PDE4D: variants seen among roughly 807,000 people sequenced by gnomAD.
The protein encoded by PDE4D is 3',5'-cyclic-AMP phosphodiesterase 4D.
Under a neutral mutation model 87.4 loss-of-function variants are expected in PDE4D, and 24 were observed. The observed-to-expected ratio is 0.27, with a 90% CI of 0.20 to 0.39. The LOEUF is 0.39. PDE4D is among the 10% of genes least tolerant of loss of function. The pLI is 1.00. For synonymous variants in PDE4D, 384 were observed against 383.2 expected, an observed-to-expected ratio of 1.00 and a Z score of -0.02; for missense variants, 714 against 1,041.0, an observed-to-expected ratio of 0.69 and a Z score of 4.32.
intron 1 of PDE4D, among the ~76,000 whole-genome samples, chr5:59,266,541 G>A (rs897053940): frequency 6.6e-6 from 1 of 151,884 alleles, no homozygotes. Flanking sequence ...GAGGAAGAGA[G>A]TCAATAAGCT....
rs1446556561 is a variant in PDE4D, at chr5:58,973,482, A to C, written c.*1182T>G. 2.6e-5 allele frequency: 4 copies of C among 152,592 alleles called. No homozygotes were observed. The highest frequency in any genetic ancestry group is 9.7e-5 in the African/African-American group (4 of 41,444). The allele number at this position is 152,592 out of a possible 1,614,324, so 9.5% of individuals were successfully genotyped here. A position where few individuals can be genotyped will look rare whatever the true frequency, so the allele number is the denominator to read the frequency against. On this transcript the variant is annotated 3_prime_UTR_variant, in exon 15 of 15. Transcript: ENST00000340635. ...GATTATTAGAGCATGAAATGTGTGG[A>C]TTATTAGAAAGACATGCACTTGTGA...
At chr5:59,516,557 T>C (rs576742603) in intron 1 of PDE4D, among the ~76,000 whole-genome samples, 8 of 152,338 alleles carry the variant, frequency 5.3e-5, no homozygotes, top group African/African-American at 1.9e-4. Flanking sequence ...AGAAAAAAAC[T>C]GCTACTAAAG....
At chr5:59,236,672 T>C (rs1168256930) in intron 1 of PDE4D, among the ~76,000 whole-genome samples, 1 of 152,086 alleles carries the variant, frequency 6.6e-6, no homozygotes, top group Non-Finnish European at 1.5e-5. Flanking sequence ...CACCAGGCTA[T>C]ATTACACCAC....
At chr5:60,423,104 A>T (rs903466320) in intron 1 of PDE4D, among the ~76,000 whole-genome samples, 1 of 152,212 alleles carries the variant, frequency 6.6e-6, no homozygotes, top group African/African-American at 2.4e-5. Flanking sequence ...GGGACACTTT[A>T]ACACCCCATT....
intron 2 of PDE4D, among the ~76,000 whole-genome samples, chr5:60,182,873 C>T (rs1270079071): frequency 2.0e-5 from 3 of 150,944 alleles, no homozygotes; most frequent in East Asian, 3.9e-4. Context: ...GAGCAAGACT[C>T]CGTCTCAGAA....
At chr5:60,128,869 T>A (rs1271873062) in intron 2 of PDE4D, among the ~76,000 whole-genome samples, 1 of 152,212 alleles carries the variant, frequency 6.6e-6, no homozygotes, top group Admixed American at 6.6e-5. Context: ...TTTGCTACGA[T>A]GCATTTTCTT....
intron 6 of PDE4D, among the ~76,000 whole-genome samples, chr5:59,001,789 T>C (rs1397305676): frequency 6.6e-6 from 1 of 152,254 alleles, no homozygotes; most frequent in Non-Finnish European, 1.5e-5. Flanking sequence ...GACATTTTTC[T>C]ATTTAAAGTA....
chr5:60,117,904 A>AC (rs1312548684), intron 2 of PDE4D, among the ~76,000 whole-genome samples: 1 of 150,936 alleles, frequency 6.6e-6, no homozygotes, highest in African/African-American at 2.4e-5. Context: ...CATTTCTTCC[A>AC]CCCCCTCAAT....
chr5:60,239,914 A>C (rs1746886386), intron 1 of PDE4D, among the ~76,000 whole-genome samples: 1 of 151,946 alleles, frequency 6.6e-6, no homozygotes, highest in South Asian at 2.1e-4. Context: ...TCTACCTTTT[A>C]TTTATTTCTT....
chr5:59,586,710 C>A, intron 1 of PDE4D: 1 of 985,272 alleles, frequency 1.0e-6, no homozygotes, highest in Non-Finnish European at 1.2e-6. Context: ...AAAATCTAAC[C>A]GCCTTGAGTG....
intron 2 of PDE4D, among the ~76,000 whole-genome samples, chr5:60,022,000 A>G (rs907997702): frequency 1.3e-5 from 2 of 152,216 alleles, no homozygotes; most frequent in African/African-American, 4.8e-5. Context: ...GGTGTGAGCC[A>G]TCACACCTGG....
intron 5 of PDE4D, among the ~76,000 whole-genome samples, chr5:59,104,307 A>G (rs1280329466): frequency 6.6e-6 from 1 of 152,220 alleles, no homozygotes. Flanking sequence ...TCTTTTACAC[A>G]TTAAAATCCA....
chr5:60,421,590 C>G (rs1694201557), intron 1 of PDE4D, among the ~76,000 whole-genome samples: 1 of 152,170 alleles, frequency 6.6e-6, no homozygotes, highest in Non-Finnish European at 1.5e-5. Flanking sequence ...TGGAGAGAAA[C>G]CAGTGCAGAA....
At chr5:59,781,194 G>A (rs1026824984) in intron 1 of PDE4D, among the ~76,000 whole-genome samples, 3 of 148,868 alleles carry the variant, frequency 2.0e-5, no homozygotes, top group African/African-American at 7.4e-5. Flanking sequence ...AAAAGACGGT[G>A]ATAGAACAGA....
chr5:60,420,006 T>A (rs1936898186), intron 1 of PDE4D, among the ~76,000 whole-genome samples: 1 of 152,092 alleles, frequency 6.6e-6, no homozygotes, highest in South Asian at 2.1e-4. Flanking sequence ...GTCCCAGACA[T>A]GGGACAAATC....
intron 3 of PDE4D, among the ~76,000 whole-genome samples, chr5:59,968,182 C>G (rs1268884138): frequency 4.0e-5 from 6 of 151,888 alleles, no homozygotes. Flanking sequence ...CGGGGTTTCT[C>G]CATGTTGGTC....
At chr5:59,156,320 A>AAAAAAAATAT (rs548335725) in intron 5 of PDE4D, among the ~76,000 whole-genome samples, 10 of 81,772 alleles carry the variant, frequency 1.2e-4, no homozygotes, top group African/African-American at 4.6e-4. Context: ...AAAAAAAAAA[A>AAAAAAAATAT]ATATATATAT....
At chr5:59,496,219 G>A (rs1807162179) in intron 1 of PDE4D, among the ~76,000 whole-genome samples, 1 of 152,114 alleles carries the variant, frequency 6.6e-6, no homozygotes, top group South Asian at 2.1e-4. Flanking sequence ...CTGCCAGGTG[G>A]CAGCATCTGT....
intron 3 of PDE4D, among the ~76,000 whole-genome samples, chr5:59,958,344 C>A (rs1372813385): frequency 6.6e-6 from 1 of 152,024 alleles, no homozygotes; most frequent in Non-Finnish European, 1.5e-5. Flanking sequence ...TCTCTTTTGG[C>A]AAGAGTGTTT....
Sources: gnomAD v4.1 joint callset for allele counts (sites outside exome capture counted in the v4.1 genomes callset) on GRCh38, gnomAD v4.1.1 for gene constraint, MANE v1.5 for transcripts, NCBI Gene and HGNC (gene_info 2026-07-23, HGNC 2026-07-21) for gene names.